The following ADAP2 variants were observed in gnomAD, a reference collection of about 807,000 sequenced individuals.
ADAP2 encodes ArfGAP with dual PH domains 2.
Under a neutral mutation model 54.9 loss-of-function variants are expected in ADAP2, and 42 were observed. That is an observed-to-expected ratio of 0.77 (90% CI 0.60 to 0.99). The LOEUF is 0.99. Among genes scored for constraint, ADAP2 ranks in the 50% least tolerant of loss-of-function variants. The pLI is 0.00. For synonymous variants in ADAP2, 177 were observed against 180.1 expected, an observed-to-expected ratio of 0.98 and a Z score of 0.14; for missense variants, 429 against 480.4, an observed-to-expected ratio of 0.89 and a Z score of 1.00.
chr17:30,937,543 A>G (rs2142539650), intron 5 of ADAP2, among the ~76,000 whole-genome samples: 1 of 152,356 alleles, frequency 6.6e-6, no homozygotes, highest in Non-Finnish European at 1.5e-5. Flanking sequence ...TTTAAAAAGC[A>G]GCACGCTGGC....
intron 9 of ADAP2, among the ~76,000 whole-genome samples, chr17:30,955,686 G>C (rs1425943871): frequency 2.0e-5 from 3 of 149,948 alleles, no homozygotes; most frequent in Non-Finnish European, 4.4e-5. Context: ...TGGGTGCAGA[G>C]TGAGACTCCG....
At chr17:30,927,722 T>C (rs1341421705) in intron 3 of ADAP2, among the ~76,000 whole-genome samples, 1 of 151,080 alleles carries the variant, frequency 6.6e-6, no homozygotes, top group Admixed American at 6.6e-5. Context: ...ATACTAACCA[T>C]AAAAATAAGA....
At chr17:30,957,762 T>C in intron 10 of ADAP2, 73 bp from the exon 11 acceptor site, 1 of 1,472,096 alleles carries the variant, frequency 6.8e-7, no homozygotes, top group South Asian at 1.2e-5. Flanking sequence ...CGCCTGTCCC[T>C]TTGCTGTCCC....
intron 10 of ADAP2, 48 bp from the exon 11 acceptor site, chr17:30,957,787 C>G (rs376621597): frequency 6.3e-7 from 1 of 1,599,712 alleles, no homozygotes; most frequent in African/African-American, 1.3e-5. Flanking sequence ...CTCCACAGGA[C>G]AGCATTGGCA....
At chr17:30,932,412 T>C (rs990376825) in intron 4 of ADAP2, among the ~76,000 whole-genome samples, 3 of 151,624 alleles carry the variant, frequency 2.0e-5, no homozygotes, top group Non-Finnish European at 2.9e-5. Flanking sequence ...TTAGTGGCTT[T>C]TATTTTTTTA....
chr17:30,930,749 T>C (rs1911413531), intron 3 of ADAP2, among the ~76,000 whole-genome samples: 1 of 152,200 alleles, frequency 6.6e-6, no homozygotes, highest in Non-Finnish European at 1.5e-5. Flanking sequence ...TAAGGTCATA[T>C]ATACCTTGGA....
chr17:30,939,155 G>A (rs1253355434), intron 5 of ADAP2, among the ~76,000 whole-genome samples: 1 of 152,106 alleles, frequency 6.6e-6, no homozygotes, highest in Non-Finnish European at 1.5e-5. Flanking sequence ...AAGGCCGGAA[G>A]AGAAAGCGCT....
At chr17:30,934,041 G>A in intron 4 of ADAP2, 144 bp from the exon 5 acceptor site, 2 of 614,308 alleles carry the variant, frequency 3.3e-6, no homozygotes, top group Non-Finnish European at 5.8e-6. Context: ...CTTGTGTTCT[G>A]CAGCTGAAAT....
Position 30,934,220 on chromosome 17 carries a change from G to A in ADAP2, c.433G>A (p.Asp145Asn). Residue 145 changes from aspartate (D) to asparagine (N), a missense_variant, in exon 5 of 11, where the codon GAC (aspartate) becomes AAC (asparagine). By Grantham distance (23) the Asp-to-Asn change is conservative (BLOSUM62 1). Coordinates refer to ENST00000330889, the MANE Select transcript of ADAP2 (RefSeq NM_018404.3). The part of the protein sequence containing the change: ...REGFLWKRGR[D>N]NSQFLRRKFV... ...AGGATTCCTGTGGAAGCGAGGAAGG[G>A]ACAACTCACAGTTTCTGAGAAGGAA... 6.2e-7 allele frequency: 1 copy of A among 1,614,094 alleles called. No homozygotes were observed. Among genetic ancestry groups the A allele is most frequent in the Non-Finnish European group, 8.5e-7 (1 of 1,179,986 alleles).
In ADAP2 at chr17:30,933,756, C is replaced by T. The variant is rs9900364; in HGVS notation, c.398-429C>T. Among the ~76,000 whole-genome samples the T allele has an allele frequency of 3.4e-3, 525 of 152,366 alleles. 3 individuals carry two copies. The highest frequency in any genetic ancestry group is 0.012 in the African/African-American group (505 of 41,592). The stretch of plus-strand genomic sequence containing the variant: ...CTTGTGATCTGCCCGCCTCGGCCTC[C>T]CAAAGTGCTGGGATTACAGGCGTGA... On this transcript the variant is annotated intron_variant, in intron 4 of 10. Transcript: ENST00000330889.
chr17:30,923,296 G>C (rs1268377106), intron 2 of ADAP2, among the ~76,000 whole-genome samples: 1 of 142,808 alleles, frequency 7.0e-6, no homozygotes, highest in Non-Finnish European at 1.5e-5. Context: ...ACGGAGTCTC[G>C]CTGTGTTGTC....
intron 7 of ADAP2, among the ~76,000 whole-genome samples, chr17:30,951,639 A>ATTTTC (rs1295687907): frequency 6.6e-5 from 7 of 106,534 alleles, no homozygotes; most frequent in Non-Finnish European, 1.4e-4. Flanking sequence ...TCTGACCAAT[A>ATTTTC]TTTTCTTTTC....
chr17:30,922,258 G>GA (rs1157435192), intron 1 of ADAP2, 150 bp downstream of exon 1: 1 of 478,272 alleles, frequency 2.1e-6, no homozygotes, highest in Non-Finnish European at 3.2e-6. Flanking sequence ...CCCACACCGT[G>GA]AACCTCTCAC....
chr17:30,945,460 A>G (rs1912596286), intron 6 of ADAP2, among the ~76,000 whole-genome samples: 1 of 152,146 alleles, frequency 6.6e-6, no homozygotes, highest in East Asian at 1.9e-4. Context: ...GGCATCACCC[A>G]GGAGCTCAAG....
At chr17:30,928,277 C>T (rs977935957) in intron 3 of ADAP2, among the ~76,000 whole-genome samples, 1 of 150,716 alleles carries the variant, frequency 6.6e-6, no homozygotes, top group Non-Finnish European at 1.5e-5. Context: ...GGGCGGATCA[C>T]TCGAGGCCAG....
rs1905207668 is a variant in ADAP2 at position 30,958,219 on chromosome 17, A to T, written c.*350A>T. ...CATCATGCAAGTGGCATCTTGTAAA[A>T]AAAAAAAAAAAGTTTAATCTGAATC... On this transcript the variant is annotated 3_prime_UTR_variant, in exon 11 of 11. Transcript: ENST00000330889. 1 of 257,096 alleles carries T rather than the reference A, an allele frequency of 3.9e-6. No homozygotes were observed. The highest frequency in any genetic ancestry group is 5.0e-5 in the Admixed American group (1 of 19,826). The allele number at this position is 257,096 out of a possible 1,614,324, so 15.9% of individuals were successfully genotyped here. A position where few individuals can be genotyped will look rare whatever the true frequency, so the allele number is the denominator to read the frequency against.
intron 3 of ADAP2, among the ~76,000 whole-genome samples, chr17:30,928,306 GC>G: frequency 6.6e-6 from 1 of 151,494 alleles, no homozygotes; most frequent in Admixed American, 6.6e-5. Flanking sequence ...GACCAGCCCG[GC>G]CAACATAGTG....
At chr17:30,925,183 A>ATTTTTTTT (rs57259969) in intron 2 of ADAP2, among the ~76,000 whole-genome samples, 1 of 98,142 alleles carries the variant, frequency 1.0e-5, no homozygotes, top group African/African-American at 4.2e-5. Flanking sequence ...CGTGCCCAGC[A>ATTTTTTTT]TTTTTTTTTT....
chr17:30,956,694 C>A (rs1905098451), intron 10 of ADAP2: 5 of 568,126 alleles, frequency 8.8e-6, no homozygotes, highest in Non-Finnish European at 1.6e-5. Context: ...TCCCCAGGAG[C>A]TTTTAGAGGA....
Sources: gnomAD v4.1 joint callset for allele counts (sites outside exome capture counted in the v4.1 genomes callset) on GRCh38, gnomAD v4.1.1 for gene constraint, MANE v1.5 for transcripts, NCBI Gene and HGNC (gene_info 2026-07-23, HGNC 2026-07-21) for gene names.